HHAT: variants seen among roughly 807,000 people sequenced by gnomAD.
The protein encoded by HHAT is protein-cysteine N-palmitoyltransferase HHAT.
Under a neutral mutation model 70.8 loss-of-function variants are expected in HHAT, and 47 were observed. That is an observed-to-expected ratio of 0.66 (90% CI 0.53 to 0.85). The LOEUF (loss-of-function observed/expected upper bound fraction) is 0.85. Among genes scored for constraint, HHAT ranks in the 40% least tolerant of loss-of-function variants. The probability of loss-of-function intolerance (pLI) is 0.00; values close to 1 mark genes in which losing one functional copy is unlikely to be tolerated. For missense variants in HHAT, 609 were observed against 604.8 expected, an observed-to-expected ratio of 1.01 and a Z score of -0.07; for synonymous variants, 228 against 247.6, an observed-to-expected ratio of 0.92 and a Z score of 0.74.
intron 11 of HHAT, among the ~76,000 whole-genome samples, chr1:210,671,832 G>T (rs1222605441): frequency 1.3e-5 from 2 of 152,234 alleles, no homozygotes; most frequent in Admixed American, 6.5e-5. Context: ...AGGTGGAGCT[G>T]TGGGGCTGGT....
chr1:210,455,111 C>T (rs181949180), intron 7 of HHAT, among the ~76,000 whole-genome samples: 4 of 152,298 alleles, frequency 2.6e-5, no homozygotes, highest in Admixed American at 2.6e-4. Flanking sequence ...CTGGGGCTGA[C>T]TCTTGACCTT....
rs529317484 is a variant in HHAT at position 210,539,648 on chromosome 1, C to T, written c.1043+26460C>T. Among the ~76,000 whole-genome samples the T allele has an allele frequency of 4.6e-4, 70 of 152,210 alleles. 3 individuals carry two copies. The highest frequency in any genetic ancestry group is 1.5e-3 in the African/African-American group (61 of 41,538). On this transcript the variant is annotated intron_variant, in intron 9 of 11. Transcript: ENST00000261458. ...GTCACAGAGATGGGGGTGTTGTCAGCGGCTCCCCAGTCTGGCAATGTGTAA... is the reference window on the plus strand; with the variant it reads ...GTCACAGAGATGGGGGTGTTGTCAGTGGCTCCCCAGTCTGGCAATGTGTAA...
chr1:210,656,475 A>G (rs1175693079), intron 11 of HHAT, among the ~76,000 whole-genome samples: 1 of 152,082 alleles, frequency 6.6e-6, no homozygotes, highest in African/African-American at 2.4e-5. Flanking sequence ...AGCAGTGATC[A>G]TGGCTCCTCT....
At chr1:210,392,341 C>A (rs2091512383) in intron 4 of HHAT, among the ~76,000 whole-genome samples, 1 of 152,050 alleles carries the variant, frequency 6.6e-6, no homozygotes, top group African/African-American at 2.4e-5. Flanking sequence ...TGCCTCTCAC[C>A]CTTGTTCTTG....
chr1:210,595,476 T>C (rs967448749), intron 10 of HHAT, among the ~76,000 whole-genome samples: 1 of 152,240 alleles, frequency 6.6e-6, no homozygotes, highest in African/African-American at 2.4e-5. Context: ...TTTGGGTATA[T>C]ACCCAGTAAT....
chr1:210,618,745 G>A lies in HHAT; in HGVS notation c.1246-4781G>A, dbSNP rs185031324. The stretch of plus-strand genomic sequence containing the variant: ...TTTTGTTTTGACCCACGTTCCTGCA[G>A]CCCCCCATCCCCGGCTTGTTTGCTC... On this transcript the variant is annotated intron_variant, in intron 10 of 11. Transcript: ENST00000261458. Among the ~76,000 whole-genome samples the A allele has an allele frequency of 1.1e-4, 16 of 152,270 alleles. No homozygotes were observed. The East Asian group carries it at 3.1e-3, about 29-fold the overall frequency.
At chr1:210,662,570 C>A (rs569131207) in intron 11 of HHAT, among the ~76,000 whole-genome samples, 1 of 152,280 alleles carries the variant, frequency 6.6e-6, no homozygotes, top group South Asian at 2.1e-4. Context: ...GCCTCTGGCT[C>A]CAGGGGCCTG....
At chr1:210,575,487 A>G (rs113263020) in intron 9 of HHAT, among the ~76,000 whole-genome samples, 17 of 152,198 alleles carry the variant, frequency 1.1e-4, no homozygotes, top group Non-Finnish European at 2.2e-4. Context: ...TATAACCCAG[A>G]ATAGACCTGG....
At chr1:210,344,667 C>T (rs984814732) in intron 1 of HHAT, among the ~76,000 whole-genome samples, 3 of 152,220 alleles carry the variant, frequency 2.0e-5, no homozygotes, top group South Asian at 4.1e-4. Context: ...AATTGCCTCC[C>T]GTTTTGGGGA....
intron 3 of HHAT, among the ~76,000 whole-genome samples, chr1:210,373,816 T>A (rs951411464): frequency 1.3e-5 from 2 of 152,182 alleles, no homozygotes; most frequent in Non-Finnish European, 2.9e-5. Context: ...AAGGATGGAT[T>A]TGGGGCTTTT....
chr1:210,418,293 CCCT>C lies in HHAT; in HGVS notation c.828_830del (p.Leu277del). On this transcript the variant is annotated inframe_deletion, in exon 7 of 12. Transcript: ENST00000261458. ...ATGCATGCCATCTACAGCAGCATCC[CCCT>C]CCTGGAGACTGTCTCTTGTTGGACC... 1 of 1,608,370 alleles carries C rather than the reference CCCT, an allele frequency of 6.2e-7. No individual in the cohort carries two copies. The highest frequency in any genetic ancestry group is 8.5e-7 in the Non-Finnish European group (1 of 1,176,908).
intron 10 of HHAT, among the ~76,000 whole-genome samples, chr1:210,618,955 G>A (rs1186444498): frequency 6.6e-6 from 1 of 152,232 alleles, no homozygotes; most frequent in Admixed American, 6.5e-5. Flanking sequence ...CCCTTTGGAA[G>A]TCAGTGTCTT....
At chr1:210,485,023 G>T (rs2094453579) in intron 8 of HHAT, among the ~76,000 whole-genome samples, 1 of 152,156 alleles carries the variant, frequency 6.6e-6, no homozygotes, top group African/African-American at 2.4e-5. Flanking sequence ...TGGGCTAGAG[G>T]TTCATGGGGT....
rs374099540 is a variant in HHAT, at chr1:210,387,582, G to T, written c.273+1G>T. ...AATGGCCACACTGCTGGCAAGAAAG[G>T]TATGATTATATGTGTTGTTACCTTT... On this transcript the variant is annotated splice_donor_variant, in intron 4 of 11. Coordinates refer to ENST00000261458, the MANE Select transcript of HHAT (RefSeq NM_018194.6). LOFTEE classifies it high-confidence loss of function. 14 of 1,608,502 alleles carry T rather than the reference G, an allele frequency of 8.7e-6. No individual in the cohort carries two copies. Among genetic ancestry groups the T allele is most frequent in the Admixed American group, 1.7e-5 (1 of 59,978 alleles).
At chr1:210,579,646 A>G (rs548693025) in intron 9 of HHAT, among the ~76,000 whole-genome samples, 2 of 152,314 alleles carry the variant, frequency 1.3e-5, no homozygotes, top group South Asian at 2.1e-4. Flanking sequence ...GGTTTACTTG[A>G]CAAGTTCGAG....
At chr1:210,630,004 G>A (rs1309229798) in intron 11 of HHAT, among the ~76,000 whole-genome samples, 3 of 151,858 alleles carry the variant, frequency 2.0e-5, no homozygotes, top group African/African-American at 4.8e-5. Context: ...CACCACACCC[G>A]GCTAATTTTT....
intron 3 of HHAT, among the ~76,000 whole-genome samples, chr1:210,363,823 A>G (rs1435357677): frequency 6.6e-6 from 1 of 152,168 alleles, no homozygotes; most frequent in Non-Finnish European, 1.5e-5. Context: ...TACAGATTCA[A>G]TCAGCCTTTT....
rs1680898066 is a variant in HHAT at position 210,675,053 on chromosome 1, A to C, written c.*674A>C. The C allele has an allele frequency of 6.6e-6, 1 of 152,256 alleles. No homozygotes were observed. Among genetic ancestry groups the C allele is most frequent in the South Asian group, 2.1e-4 (1 of 4,834 alleles). 9.4% of individuals were successfully genotyped at this position (152,256 alleles called of 1,614,324 possible). ...TTGGGTGCTTGTTTCTGAGATTTGC[A>C]GAGAAGTATAACATGGTAGTTCCTC... On this transcript the variant is annotated 3_prime_UTR_variant, in exon 12 of 12. Transcript: ENST00000261458.
At chr1:210,595,100 T>A (rs1395965572) in intron 10 of HHAT, among the ~76,000 whole-genome samples, 2 of 152,194 alleles carry the variant, frequency 1.3e-5, no homozygotes, top group Non-Finnish European at 2.9e-5. Context: ...TATCTCCTAA[T>A]GCTATTCCTC....
Sources: allele counts gnomAD v4.1 joint callset (sites outside exome capture counted in the v4.1 genomes callset), GRCh38; gene constraint gnomAD v4.1.1; transcripts MANE v1.5; gene names NCBI Gene and HGNC (gene_info 2026-07-23, HGNC 2026-07-21).